GPR107: variants seen among roughly 807,000 people sequenced by gnomAD.
GPR107 encodes protein GPR107.
In GPR107, 31 loss-of-function variants were observed where a neutral mutation model predicts 75.5. The ratio of observed to expected loss-of-function variants is 0.41; its 90% CI spans 0.31 to 0.55. GPR107 has a LOEUF of 0.55. GPR107 is among the 20% of genes least tolerant of loss of function. The probability of loss-of-function intolerance (pLI) is 0.26; values close to 1 mark genes in which losing one functional copy is unlikely to be tolerated. For synonymous variants in GPR107, 267 were observed against 251.3 expected, an observed-to-expected ratio of 1.06 and a Z score of -0.59; for missense variants, 572 against 665.7, an observed-to-expected ratio of 0.86 and a Z score of 1.55.
chr9:130,083,134 T>C (rs1438409528), intron 5 of GPR107, among the ~76,000 whole-genome samples: 1 of 151,828 alleles, frequency 6.6e-6, no homozygotes, highest in Admixed American at 6.6e-5. Flanking sequence ...TTGGCCAGGC[T>C]GGTCTCAAAC....
chr9:130,111,279 G>A (rs1233809736), intron 14 of GPR107, among the ~76,000 whole-genome samples: 2 of 152,022 alleles, frequency 1.3e-5, no homozygotes, highest in Non-Finnish European at 2.9e-5. Context: ...CAGCCTGGGT[G>A]ACATAATAGC....
At chr9:130,074,392 C>T (rs965071061) in intron 1 of GPR107, among the ~76,000 whole-genome samples, 2 of 152,182 alleles carry the variant, frequency 1.3e-5, no homozygotes, top group Admixed American at 1.3e-4. Context: ...ACCCTTCACA[C>T]CAAGAATCAA....
intron 14 of GPR107, among the ~76,000 whole-genome samples, chr9:130,120,438 C>T (rs1337861804): frequency 6.6e-6 from 1 of 152,206 alleles, no homozygotes; most frequent in African/African-American, 2.4e-5. Flanking sequence ...TGGTTAAGAC[C>T]TGCAGTGCCT....
At chr9:130,130,654 G>A (rs1392525018) in intron 17 of GPR107, among the ~76,000 whole-genome samples, 2 of 152,064 alleles carry the variant, frequency 1.3e-5, no homozygotes, top group Non-Finnish European at 2.9e-5. Flanking sequence ...GGCAGATCAC[G>A]AGGTCAGGAG....
chr9:130,054,132 G>A lies in GPR107; in HGVS notation c.141+59G>A. ...GGCCGAGGCCACTCCCCGGGTTTTA[G>A]GGCAACTTTGGCCCATTGGGGACCT... is the stretch of plus-strand genomic sequence containing the variant. On this transcript the variant is annotated intron_variant, in intron 1 of 17. Coordinates refer to ENST00000347136, the MANE Select transcript of GPR107 (RefSeq NM_020960.5). The A allele has an allele frequency of 8.2e-6, 12 of 1,465,046 alleles. 1 individual carries two copies. Among genetic ancestry groups the A allele is most frequent in the Middle Eastern group, 3.6e-4 (2 of 5,578 alleles). The allele number at this position is 1,465,046 out of a possible 1,614,324, so 90.8% of individuals were successfully genotyped here.
chr9:130,107,050 A>G (rs1831176150), intron 13 of GPR107, among the ~76,000 whole-genome samples: 2 of 152,238 alleles, frequency 1.3e-5, no homozygotes, highest in South Asian at 2.1e-4. Context: ...TCTCCACTCG[A>G]TAAGTTTGCA....
chr9:130,118,648 C>T (rs941986716), intron 14 of GPR107, among the ~76,000 whole-genome samples: 4 of 151,842 alleles, frequency 2.6e-5, no homozygotes, highest in African/African-American at 9.7e-5. Flanking sequence ...GACATGACAC[C>T]CTCCCCAACC....
At chr9:130,069,317 A>C (rs1830141578) in intron 1 of GPR107, among the ~76,000 whole-genome samples, 1 of 152,184 alleles carries the variant, frequency 6.6e-6, no homozygotes, top group South Asian at 2.1e-4. Context: ...CCTTGGTGAA[A>C]CAGGCACCCT....
intron 4 of GPR107, among the ~76,000 whole-genome samples, chr9:130,078,633 C>G (rs980346295): frequency 5.3e-5 from 8 of 152,164 alleles, no homozygotes; most frequent in Non-Finnish European, 1.2e-4. Context: ...GTTAGGGACT[C>G]TGGTGCATTT....
chr9:130,104,420 G>A lies in GPR107; in HGVS notation c.1132G>A (p.Val378Ile). The A allele has an allele frequency of 6.2e-7, 1 of 1,613,856 alleles. No homozygotes were observed. Among genetic ancestry groups the A allele is most frequent in the Non-Finnish European group, 8.5e-7 (1 of 1,179,782 alleles). The change falls in exon 13 of 18, where the codon GTC becomes ATC. Residue 378 changes from valine to isoleucine, a missense_variant and splice_region_variant. Val to Ile is a conservative substitution (Grantham distance 29). Transcript: ENST00000347136. ...CCTCAGCAACTTCTCATGTCTGTAG[G>A]TCCTGGCAAATGTAGCCTACATCAT... The part of the protein sequence containing the change: ...KIFMIVIPLQ[V>I]LANVAYIIIE...
chr9:130,075,295 A>T (rs1400653654), intron 1 of GPR107, among the ~76,000 whole-genome samples: 1 of 130,820 alleles, frequency 7.6e-6, no homozygotes, highest in Non-Finnish European at 1.5e-5. Flanking sequence ...CCCAAGCTAG[A>T]GTGCAGTGGC....
At chr9:130,105,728 G>A (rs989442472) in intron 13 of GPR107, among the ~76,000 whole-genome samples, 31 of 151,798 alleles carry the variant, frequency 2.0e-4, no homozygotes, top group African/African-American at 2.7e-4. Context: ...ACATGATCTC[G>A]TATCAGTTCA....
At chr9:130,081,105 T>A (rs1249285586) in intron 5 of GPR107, among the ~76,000 whole-genome samples, 2 of 152,124 alleles carry the variant, frequency 1.3e-5, no homozygotes, top group Non-Finnish European at 2.9e-5. Context: ...TCACAACTCC[T>A]CAAGAGACTG....
intron 4 of GPR107, among the ~76,000 whole-genome samples, chr9:130,079,368 A>C (rs191499527): frequency 6.6e-6 from 1 of 152,352 alleles, no homozygotes; most frequent in Non-Finnish European, 1.5e-5. Flanking sequence ...GATGTACCTC[A>C]GAATTGTGTG....
chr9:130,087,327 C>G lies in GPR107; in HGVS notation c.621+851C>G, dbSNP rs141111270. Among the ~76,000 whole-genome samples the G allele has an allele frequency of 5.2e-3, 797 of 152,234 alleles. 7 individuals carry two copies. The highest frequency in any genetic ancestry group is 0.018 in the African/African-American group (761 of 41,540). ...TGCCGAGATTACAGATGTGAGCCAC[C>G]TTGCCTGGTCTCACTTACTTTCTGA... On this transcript the variant is annotated intron_variant, in intron 7 of 17. Transcript: ENST00000347136.
chr9:130,121,377 A>G (rs1355682822), intron 14 of GPR107, among the ~76,000 whole-genome samples: 2 of 152,208 alleles, frequency 1.3e-5, no homozygotes, highest in African/African-American at 4.8e-5. Flanking sequence ...ATGTTTTAAG[A>G]AAGTTTACAA....
At chr9:130,133,439 C>T (rs1052233689) in intron 17 of GPR107, among the ~76,000 whole-genome samples, 4 of 152,120 alleles carry the variant, frequency 2.6e-5, no homozygotes, top group South Asian at 2.1e-4. Flanking sequence ...TTCTGGAAGA[C>T]GTGGGGTCGC....
chr9:130,086,483 A>G lies in GPR107; in HGVS notation c.621+7A>G, dbSNP rs763727070. On this transcript the variant is annotated splice_region_variant and intron_variant, in intron 7 of 17. Coordinates refer to ENST00000347136, the MANE Select transcript of GPR107 (RefSeq NM_020960.5). ...TGGGGCAGTGTCATTTCAGGTATGT[A>G]TGCTCTTTGTGTAAAGCCTCCTAGA... 2 of 1,488,374 alleles carry G rather than the reference A, an allele frequency of 1.3e-6. No individual in the cohort carries two copies. Among genetic ancestry groups the G allele is most frequent in the Non-Finnish European group, 1.9e-6 (2 of 1,066,198 alleles). The allele number at this position is 1,488,374 out of a possible 1,614,324, so 92.2% of individuals were successfully genotyped here.
At chr9:130,079,253 A>G (rs1203508277) in intron 4 of GPR107, among the ~76,000 whole-genome samples, 1 of 152,164 alleles carries the variant, frequency 6.6e-6, no homozygotes, top group East Asian at 1.9e-4. Context: ...GTGAGCCACC[A>G]TGCCTGGCCT....
Sources: allele counts gnomAD v4.1 joint callset (sites outside exome capture counted in the v4.1 genomes callset), GRCh38; gene constraint gnomAD v4.1.1; transcripts MANE v1.5; gene names NCBI Gene and HGNC (gene_info 2026-07-23, HGNC 2026-07-21).